PTPRG: variants seen among roughly 807,000 people sequenced by gnomAD.
PTPRG encodes protein tyrosine phosphatase receptor type G.
A neutral mutation model predicts 165.3 loss-of-function variants in PTPRG; 102 were observed. That is an observed-to-expected ratio of 0.62 (90% CI 0.53 to 0.73). The LOEUF (loss-of-function observed/expected upper bound fraction) is 0.73. Ranked by LOEUF, PTPRG falls within the 30% of genes least tolerant of loss-of-function variation. PTPRG has a pLI of 0.00. For synonymous variants in PTPRG, 675 were observed against 669.5 expected, an observed-to-expected ratio of 1.01 and a Z score of -0.13; for missense variants, 1,866 against 1,861.4, an observed-to-expected ratio of 1.00 and a Z score of -0.05.
At chr3:61,712,622 G>GCTTC (rs2031620921) in intron 1 of PTPRG, among the ~76,000 whole-genome samples, 1 of 152,118 alleles carries the variant, frequency 6.6e-6, no homozygotes, top group Non-Finnish European at 1.5e-5. Flanking sequence ...GAAGATGCCT[G>GCTTC]CTTCCCCTTC....
At chr3:61,573,768 G>C (rs1227767947) in intron 1 of PTPRG, among the ~76,000 whole-genome samples, 1 of 152,188 alleles carries the variant, frequency 6.6e-6, no homozygotes, top group African/African-American at 2.4e-5. Context: ...TGATGTCACT[G>C]TATGTAGTTT....
intron 4 of PTPRG, among the ~76,000 whole-genome samples, chr3:62,036,968 C>T (rs1040688180): frequency 8.4e-5 from 10 of 118,504 alleles, no homozygotes; most frequent in African/African-American, 3.1e-4. Context: ...CAGTGCTGCA[C>T]GTGCGCGCGC....
intron 13 of PTPRG, among the ~76,000 whole-genome samples, chr3:62,220,930 T>C (rs1048030588): frequency 6.6e-6 from 1 of 152,168 alleles, no homozygotes; most frequent in South Asian, 2.1e-4. Context: ...AGATTGTTTC[T>C]GACTGGCCCA....
At chr3:61,821,937 G>A (rs1163998282) in intron 2 of PTPRG, among the ~76,000 whole-genome samples, 2 of 152,232 alleles carry the variant, frequency 1.3e-5, no homozygotes, top group Non-Finnish European at 2.9e-5. Context: ...TCTGCCAAGT[G>A]CGTGCAGAAG....
At chr3:61,725,390 A>G (rs2106808629) in intron 1 of PTPRG, among the ~76,000 whole-genome samples, 1 of 152,210 alleles carries the variant, frequency 6.6e-6, no homozygotes, top group African/African-American at 2.4e-5. Flanking sequence ...AGTGTGAGAT[A>G]CACTTTGTAT....
intron 1 of PTPRG, among the ~76,000 whole-genome samples, chr3:61,735,753 T>G (rs1162579474): frequency 6.6e-6 from 1 of 152,180 alleles, no homozygotes; most frequent in African/African-American, 2.4e-5. Flanking sequence ...GACAAAGTCT[T>G]TCTCATTGTG....
intron 2 of PTPRG, among the ~76,000 whole-genome samples, chr3:61,859,562 T>C (rs11918629): frequency 0.12 from 18,228 of 152,016 alleles, 1,658 homozygotes; most frequent in East Asian, 0.49. Context: ...CCCAGGACAA[T>C]TGACACAAGG....
chr3:62,173,369 GATGATATGTAA>G (rs543848623), intron 8 of PTPRG, among the ~76,000 whole-genome samples: 43 of 152,222 alleles, frequency 2.8e-4, no homozygotes, highest in African/African-American at 1.0e-3. Flanking sequence ...GGCACCTGCA[GATGATATGTAA>G]ATGAGCATAG....
intron 18 of PTPRG, 92 bp downstream of exon 18, chr3:62,267,584 C>T (rs991953116): frequency 6.6e-7 from 1 of 1,526,408 alleles, no homozygotes; most frequent in Admixed American, 1.9e-5. Flanking sequence ...ACAGAGCTTT[C>T]ACTAAAAACA....
intron 2 of PTPRG, among the ~76,000 whole-genome samples, chr3:61,795,767 A>T (rs1018384698): frequency 1.7e-4 from 25 of 150,220 alleles, no homozygotes; most frequent in African/African-American, 6.1e-4. Flanking sequence ...TATTTTTATT[A>T]TTTTTAAGGC....
chr3:62,286,007 T>C (rs1197221340), intron 28 of PTPRG, among the ~76,000 whole-genome samples: 1 of 152,238 alleles, frequency 6.6e-6, no homozygotes, highest in Admixed American at 6.5e-5. Context: ...TGACATGTGA[T>C]AACATCACTT....
At chr3:61,624,695 A>G (rs930735533) in intron 1 of PTPRG, among the ~76,000 whole-genome samples, 1 of 152,212 alleles carries the variant, frequency 6.6e-6, no homozygotes, top group African/African-American at 2.4e-5. Flanking sequence ...CATCTGCAAA[A>G]TGAGCATAAT....
chr3:62,170,060 G>C (rs1705158563), intron 8 of PTPRG, among the ~76,000 whole-genome samples: 1 of 152,116 alleles, frequency 6.6e-6, no homozygotes, highest in Non-Finnish European at 1.5e-5. Flanking sequence ...GGTTAGTGAG[G>C]AGAAGTGAGT....
chr3:61,721,817 A>T (rs896485059), intron 1 of PTPRG, among the ~76,000 whole-genome samples: 9 of 152,308 alleles, frequency 5.9e-5, no homozygotes, highest in Admixed American at 1.3e-4. Flanking sequence ...AAGTTAGTAT[A>T]AATACTGGAG....
At chr3:61,843,751 A>G (rs1028889059) in intron 2 of PTPRG, among the ~76,000 whole-genome samples, 2 of 152,014 alleles carry the variant, frequency 1.3e-5, no homozygotes, top group Non-Finnish European at 2.9e-5. Flanking sequence ...TCATTTTCTA[A>G]CAGAGTGAAA....
chr3:61,951,368 CAA>C (rs2039895871), intron 2 of PTPRG, among the ~76,000 whole-genome samples: 1 of 152,202 alleles, frequency 6.6e-6, no homozygotes, highest in African/African-American at 2.4e-5. Flanking sequence ...CTCATCCTTT[CAA>C]AATTTGCTTG....
At chr3:62,251,823 C>G (rs961921275) in intron 15 of PTPRG, among the ~76,000 whole-genome samples, 4 of 152,138 alleles carry the variant, frequency 2.6e-5, no homozygotes, top group African/African-American at 9.7e-5. Context: ...CAAATCTCAG[C>G]TCTGCCACTT....
At chr3:61,928,986 G>A (rs1186983863) in intron 2 of PTPRG, among the ~76,000 whole-genome samples, 1 of 152,144 alleles carries the variant, frequency 6.6e-6, no homozygotes, top group Non-Finnish European at 1.5e-5. Context: ...GCAGTCTAGC[G>A]AGTAGAGGCC....
chr3:62,290,195 T>C (rs1223708032), intron 28 of PTPRG, among the ~76,000 whole-genome samples: 1 of 152,028 alleles, frequency 6.6e-6, no homozygotes, highest in African/African-American at 2.4e-5. Flanking sequence ...CAATAAAACC[T>C]AGTTAAAAGC....
Sources: allele counts gnomAD v4.1 joint callset (sites outside exome capture counted in the v4.1 genomes callset), GRCh38; gene constraint gnomAD v4.1.1; transcripts MANE v1.5; gene names NCBI Gene and HGNC (gene_info 2026-07-23, HGNC 2026-07-21).